Variants in DEPDC1B observed in about 807,000 individuals in gnomAD.
DEPDC1B encodes the protein DEP domain containing 1B, also known as DEP domain-containing protein 1B.
A neutral mutation model predicts 66.5 loss-of-function variants in DEPDC1B; 51 were observed. That is an observed-to-expected ratio of 0.77 (90% CI 0.61 to 0.97). The LOEUF is 0.97. Ranked by LOEUF, DEPDC1B falls within the 50% of genes least tolerant of loss-of-function variation. The pLI is 0.00. For synonymous variants in DEPDC1B, 226 were observed against 223.6 expected (o/e 1.01, Z -0.10); for missense variants, 552 against 637.1 (o/e 0.87, Z 1.44).
chr5:60,699,665 C>T (rs1316313744), intron 1 of DEPDC1B, among the ~76,000 whole-genome samples: 1 of 152,168 alleles, frequency 6.6e-6, no homozygotes, highest in Non-Finnish European at 1.5e-5. Flanking sequence ...CCTGCCTGGA[C>T]TGCCGCGAAC....
intron 8 of DEPDC1B, among the ~76,000 whole-genome samples, chr5:60,604,781 A>T (rs973081095): frequency 6.6e-6 from 1 of 152,108 alleles, no homozygotes; most frequent in African/African-American, 2.4e-5. Context: ...CTGCATGCAA[A>T]GTTTTGCATG....
chr5:60,689,789 C>G (rs1350299054), intron 1 of DEPDC1B, among the ~76,000 whole-genome samples: 1 of 152,042 alleles, frequency 6.6e-6, no homozygotes, highest in Non-Finnish European at 1.5e-5. Context: ...CACCCCTAAT[C>G]CCAGCACTTT....
chr5:60,611,220 G>GT (rs1461869655), intron 7 of DEPDC1B, among the ~76,000 whole-genome samples: 49 of 152,218 alleles, frequency 3.2e-4, no homozygotes, highest in African/African-American at 1.0e-3. Flanking sequence ...TGTTACTACT[G>GT]TAAGTGTTTG....
At chr5:60,667,714 GGATATTTTA>G (rs1753890645) in intron 2 of DEPDC1B, among the ~76,000 whole-genome samples, 1 of 126,202 alleles carries the variant, frequency 7.9e-6, no homozygotes, top group African/African-American at 3.3e-5. Context: ...TATATAAAAT[GGATATTTTA>G]CATATATATA....
chr5:60,657,342 T>C (rs745939052), intron 2 of DEPDC1B, among the ~76,000 whole-genome samples: 4 of 152,218 alleles, frequency 2.6e-5, no homozygotes, highest in Non-Finnish European at 4.4e-5. Flanking sequence ...GTGCTACTTG[T>C]TGCCTGAATA....
chr5:60,676,622 G>T (rs1175511535), intron 2 of DEPDC1B, among the ~76,000 whole-genome samples: 1 of 152,150 alleles, frequency 6.6e-6, no homozygotes, highest in Non-Finnish European at 1.5e-5. Context: ...TTATTTGTGT[G>T]TTTTTGACTG....
chr5:60,640,343 T>G (rs1753158244), intron 6 of DEPDC1B, among the ~76,000 whole-genome samples: 1 of 152,160 alleles, frequency 6.6e-6, no homozygotes, highest in South Asian at 2.1e-4. Flanking sequence ...GTTGTACCCC[T>G]TTGTGAACAT....
chr5:60,604,215 A>ATTTTTTTTTTTTTTTTTTTTTT (rs1323826916), intron 8 of DEPDC1B, among the ~76,000 whole-genome samples: 5 of 60,062 alleles, frequency 8.3e-5, no homozygotes, highest in Non-Finnish European at 1.6e-4. Context: ...GAAATTAACT[A>ATTTTTTTTTTTTTTTTTTTTTT]TTCTTTTTTT....
intron 1 of DEPDC1B, among the ~76,000 whole-genome samples, chr5:60,698,114 G>A (rs1754696706): frequency 1.3e-5 from 2 of 152,128 alleles, no homozygotes; most frequent in Non-Finnish European, 2.9e-5. Context: ...TGTAAGTGCT[G>A]TAAATAAATT....
chr5:60,636,792 T>A (rs535681875), intron 7 of DEPDC1B, among the ~76,000 whole-genome samples: 1 of 152,286 alleles, frequency 6.6e-6, no homozygotes, highest in South Asian at 2.1e-4. Context: ...TGTATTACCA[T>A]CCATATGCAT....
intron 2 of DEPDC1B, among the ~76,000 whole-genome samples, chr5:60,659,176 A>C (rs1753647923): frequency 6.6e-6 from 1 of 152,204 alleles, no homozygotes; most frequent in African/African-American, 2.4e-5. Context: ...CCCTGGTCAG[A>C]GAACAAAAGG....
intron 7 of DEPDC1B, among the ~76,000 whole-genome samples, chr5:60,627,123 T>G (rs1337389385): frequency 6.6e-6 from 1 of 152,194 alleles, no homozygotes; most frequent in African/African-American, 2.4e-5. Flanking sequence ...TTCAAATTCA[T>G]GCAGAAATGC....
intron 2 of DEPDC1B, among the ~76,000 whole-genome samples, chr5:60,654,918 A>T (rs1377254797): frequency 6.7e-6 from 1 of 148,978 alleles, no homozygotes; most frequent in Non-Finnish European, 1.5e-5. Context: ...TTTATGTGGT[A>T]TATCACATTT....
At chr5:60,638,686 T>C in intron 7 of DEPDC1B, 64 bp downstream of exon 7, 1 of 1,500,634 alleles carries the variant, frequency 6.7e-7, no homozygotes. Flanking sequence ...AGTCTCAAAA[T>C]AGTGAAAAAT....
intron 7 of DEPDC1B, among the ~76,000 whole-genome samples, chr5:60,609,412 A>C (rs887436136): frequency 1.3e-5 from 2 of 152,110 alleles, no homozygotes; most frequent in Admixed American, 1.3e-4. Flanking sequence ...TTAAATCCAT[A>C]ATCATTCCCC....
At position 60,597,709 on chromosome 5, in the gene DEPDC1B, A is replaced by G; in HGVS notation, c.*44T>C. On this transcript the variant is annotated 3_prime_UTR_variant, in exon 11 of 11. Transcript: ENST00000265036. ...TTTCTCCTAACCACCATTCACTCAA[A>G]ACAACAACAGTGGTCTCTAGCACCT... is the stretch of plus-strand genomic sequence containing the variant. 1 of 1,572,778 alleles carries G rather than the reference A, an allele frequency of 6.4e-7. No homozygotes were observed. Among genetic ancestry groups the G allele is most frequent in the Non-Finnish European group, 8.6e-7 (1 of 1,166,304 alleles).
At chr5:60,609,127 G>A (rs913282188) in intron 7 of DEPDC1B, among the ~76,000 whole-genome samples, 1 of 152,062 alleles carries the variant, frequency 6.6e-6, no homozygotes, top group African/African-American at 2.4e-5. Context: ...GAAAGGGAAA[G>A]GGAGAAAGAA....
chr5:60,597,986 T>C, intron 10 of DEPDC1B, 72 bp from the exon 11 acceptor site: 1 of 1,364,756 alleles, frequency 7.3e-7, no homozygotes, highest in South Asian at 1.6e-5. Flanking sequence ...CAGCCAAATT[T>C]TAAGAGTTTC....
chr5:60,605,219 A>C (rs1389135354), intron 8 of DEPDC1B, among the ~76,000 whole-genome samples: 1 of 152,234 alleles, frequency 6.6e-6, no homozygotes, highest in Non-Finnish European at 1.5e-5. Flanking sequence ...AGGAGGATCA[A>C]GTCTTAATGC....
Sources: gnomAD v4.1 joint callset for allele counts (sites outside exome capture counted in the v4.1 genomes callset) on GRCh38, gnomAD v4.1.1 for gene constraint, MANE v1.5 for transcripts, NCBI Gene and HGNC (gene_info 2026-07-23, HGNC 2026-07-21) for gene names.